MYCBP2: variants seen among roughly 807,000 people sequenced by gnomAD.
MYCBP2 encodes E3 ubiquitin-protein ligase MYCBP2.
Under a neutral mutation model 525.3 loss-of-function variants are expected in MYCBP2, and 120 were observed. The ratio of observed to expected loss-of-function variants is 0.23; its 90% confidence interval spans 0.20 to 0.27. The LOEUF is 0.27. Ranked by LOEUF, MYCBP2 falls within the 10% of genes least tolerant of loss-of-function variation. MYCBP2 has a pLI of 1.00. For synonymous variants in MYCBP2, 1,894 were observed against 1,955.8 expected, an observed-to-expected ratio of 0.97 and a Z score of 0.83; for missense variants, 4,149 against 5,657.1, an observed-to-expected ratio of 0.73 and a Z score of 8.55.
At chr13:77,093,451 T>A in intron 58 of MYCBP2, 119 bp from the exon 59 acceptor site, 1 of 830,726 alleles carries the variant, frequency 1.2e-6, no homozygotes, top group Non-Finnish European at 1.8e-6. Context: ...GGCAAAGCAT[T>A]AAAATAATCG....
intron 5 of MYCBP2, 106 bp downstream of exon 5, chr13:77,273,366 G>C (rs2075128479): frequency 1.2e-6 from 1 of 860,430 alleles, no homozygotes; most frequent in Non-Finnish European, 1.8e-6. Context: ...GACAGATTAA[G>C]CTACTGTAAT....
chr13:77,125,159 A>AGTACTC (rs1315295100), intron 54 of MYCBP2, among the ~76,000 whole-genome samples, 177 bp downstream of exon 54: 2 of 152,230 alleles, frequency 1.3e-5, no homozygotes, highest in Admixed American at 1.3e-4. Flanking sequence ...ATGTGCATTA[A>AGTACTC]GTACTCACGT....
intron 68 of MYCBP2, among the ~76,000 whole-genome samples, chr13:77,071,729 A>G (rs898771139): frequency 1.3e-5 from 2 of 152,222 alleles, no homozygotes; most frequent in African/African-American, 4.8e-5. Context: ...ACTTGAACTA[A>G]CTGATATTTA....
chr13:77,053,295 G>A (rs1184417895), intron 80 of MYCBP2, among the ~76,000 whole-genome samples: 2 of 152,174 alleles, frequency 1.3e-5, no homozygotes, highest in Admixed American at 6.5e-5. Context: ...AAAATATCAT[G>A]ATGGGTGATT....
chr13:77,278,526 T>C (rs376423689), intron 4 of MYCBP2, among the ~76,000 whole-genome samples: 1 of 152,218 alleles, frequency 6.6e-6, no homozygotes, highest in Non-Finnish European at 1.5e-5. Context: ...GCTCTTCACT[T>C]TTTAAAAACT....
intron 55 of MYCBP2, chr13:77,099,403 G>T (rs986705049): frequency 1.1e-4 from 24 of 211,418 alleles, no homozygotes; most frequent in Admixed American, 9.0e-4. Context: ...TATTTTAAAT[G>T]TAGAGTAGAG....
intron 49 of MYCBP2, 58 bp from the exon 50 acceptor site, chr13:77,141,001 A>G: frequency 8.1e-7 from 1 of 1,240,132 alleles, no homozygotes; most frequent in Non-Finnish European, 1.2e-6. Context: ...GAAGATCCTT[A>G]AACCTAATCT....
Position 77,171,520 on chromosome 13 carries a change from G to A in MYCBP2, c.5766C>T (p.Asp1922=), listed in dbSNP as rs758077538. The A allele has an allele frequency of 5.0e-6, 8 of 1,614,018 alleles. No individual in the cohort carries two copies. Among genetic ancestry groups the A allele is most frequent in the Non-Finnish European group, 6.8e-6 (8 of 1,180,004 alleles). Reference sequence around the variant, plus strand: ...CCACAGCAAGAGCTCTGTGCAGGAGGTCCTTAGAGGCTCGAACGACAGTGC... The same window carrying A: ...CCACAGCAAGAGCTCTGTGCAGGAGATCCTTAGAGGCTCGAACGACAGTGC... The part of the protein sequence containing the change: ...VVSTVVRASK[D]LLHRALAVDA... The change falls in exon 38 of 83, where the codon GAC becomes GAT. Residue 1922 remains aspartate (D), a synonymous_variant. Transcript: ENST00000544440.
At chr13:77,217,054 G>A (rs1435474018) in intron 21 of MYCBP2, among the ~76,000 whole-genome samples, 3 of 152,148 alleles carry the variant, frequency 2.0e-5, no homozygotes, top group Non-Finnish European at 4.4e-5. Context: ...AGGTGAATCT[G>A]GTTAAAGACA....
At position 77,125,390 on chromosome 13, in the gene MYCBP2, C is replaced by A; in HGVS notation, c.7963G>T (p.Ala2655Ser). Residue 2655 changes from alanine to serine, a missense_variant, in exon 54 of 83, where the codon GCA (alanine) becomes TCA (serine). Coordinates refer to ENST00000544440, the MANE Select transcript of MYCBP2 (RefSeq NM_015057.5). The stretch of plus-strand genomic sequence containing the variant: ...CCTCTGTCTCTAGCTAAGGACCATG[C>A]CTCTCCTTCATCACTCTCACAGAAC... ...VEFCESDEGE[A>S]WSLARDRGGN... The A allele has an allele frequency of 6.2e-7, 1 of 1,613,990 alleles. No homozygotes were observed. Among genetic ancestry groups the A allele is most frequent in the Non-Finnish European group, 8.5e-7 (1 of 1,179,874 alleles).
At chr13:77,156,596 A>C (rs2154199257) in intron 45 of MYCBP2, among the ~76,000 whole-genome samples, 1 of 152,326 alleles carries the variant, frequency 6.6e-6, no homozygotes, top group Non-Finnish European at 1.5e-5. Flanking sequence ...GCCTGGAAAA[A>C]GCAGTGTCTC....
At chr13:77,220,511 C>T (rs781663609) in intron 20 of MYCBP2, among the ~76,000 whole-genome samples, 8 of 152,132 alleles carry the variant, frequency 5.3e-5, no homozygotes, top group Non-Finnish European at 1.0e-4. Flanking sequence ...ACTTTTCCAT[C>T]TTCATTATCA....
intron 73 of MYCBP2, among the ~76,000 whole-genome samples, chr13:77,063,558 C>CAAA (rs67648208): frequency 1.0e-4 from 7 of 67,428 alleles, no homozygotes; most frequent in South Asian, 6.1e-4. Context: ...AACTCTGTCT[C>CAAA]AAAAAAAAAA....
At chr13:77,273,791 G>C (rs987160276) in intron 4 of MYCBP2, 123 bp from the exon 5 acceptor site, 7 of 709,024 alleles carry the variant, frequency 9.9e-6, no homozygotes, top group Non-Finnish European at 1.4e-5. Context: ...CAATTACTTT[G>C]CTTTAGTTTC....
chr13:77,252,283 T>A (rs2071345835), intron 14 of MYCBP2, among the ~76,000 whole-genome samples: 1 of 152,272 alleles, frequency 6.6e-6, no homozygotes, highest in African/African-American at 2.4e-5. Context: ...TTACAATCCT[T>A]ACAATGTAAA....
At position 77,261,509 on chromosome 13, in the gene MYCBP2, T is replaced by G. The variant is rs2073276122; in HGVS notation, c.1648-134A>C. 4 of 684,602 alleles carry G rather than the reference T, an allele frequency of 5.8e-6. No homozygotes were observed. In the East Asian group the frequency reaches 1.1e-4, roughly 19 times the overall value. The allele number at this position is 684,602 out of a possible 1,614,324, so 42.4% of individuals were successfully genotyped here. ...CATAAAAACAAACTCTTTTTTACAC[T>G]ATTCAGCTTCTGGGAGTTGAGCAAG... On this transcript the variant is annotated intron_variant, in intron 11 of 82. Coordinates refer to ENST00000544440, the MANE Select transcript of MYCBP2 (RefSeq NM_015057.5).
At position 77,058,909 on chromosome 13, in the gene MYCBP2, C is replaced by T. The variant is rs895844235; in HGVS notation, c.13141-503G>A. Among the ~76,000 whole-genome samples the T allele has an allele frequency of 1.3e-5, 2 of 152,012 alleles. No homozygotes were observed. Among genetic ancestry groups the T allele is most frequent in the African/African-American group, 2.4e-5 (1 of 41,378 alleles). ...CTGAGGCAGGAGAATCGCTTGAACCCGGGAGGCGGAGGTTGCAGTGAGCCG... is the reference window on the plus strand; with the variant it reads ...CTGAGGCAGGAGAATCGCTTGAACCTGGGAGGCGGAGGTTGCAGTGAGCCG... On this transcript the variant is annotated intron_variant, in intron 77 of 82. Transcript: ENST00000544440. This position sits in a 1 kb window ranked among gnomAD's most constrained non-coding sequence, Gnocchi z 4.1.
intron 37 of MYCBP2, among the ~76,000 whole-genome samples, chr13:77,173,563 C>A (rs917764031): frequency 6.6e-6 from 1 of 152,102 alleles, no homozygotes; most frequent in Non-Finnish European, 1.5e-5. Context: ...ATACTATCTA[C>A]GTAGGCACCA....
In MYCBP2 at chr13:77,081,315, G is replaced by T; in HGVS notation, c.11418+112C>A. ...TTTGGGGATTATAGCAATGATGTTT[G>T]GTTGGTGAAATTCCAGGTGATAAAG... On this transcript the variant is annotated intron_variant, in intron 65 of 82. Transcript: ENST00000544440. The surrounding 1 kb of genome is among the most constrained non-coding windows in gnomAD (Gnocchi z 4.6). 1 of 864,030 alleles carries T rather than the reference G, an allele frequency of 1.2e-6. No individual in the cohort carries two copies. Among genetic ancestry groups the T allele is most frequent in the Non-Finnish European group, 1.8e-6 (1 of 540,904 alleles). 53.5% of individuals were successfully genotyped at this position (864,030 alleles called of 1,614,324 possible).
Sources: allele counts gnomAD v4.1 joint callset (sites outside exome capture counted in the v4.1 genomes callset), GRCh38; gene constraint gnomAD v4.1.1; non-coding constraint Gnocchi (gnomAD v3.1); transcripts MANE v1.5; gene names NCBI Gene and HGNC (gene_info 2026-07-23, HGNC 2026-07-21).